Variants in DSCAM observed in about 807,000 individuals in gnomAD.
DSCAM encodes the protein cell adhesion molecule DSCAM.
Under a neutral mutation model 217.7 loss-of-function variants are expected in DSCAM, and 47 were observed. That is an observed-to-expected ratio of 0.22 (90% confidence interval 0.17 to 0.28). The LOEUF (loss-of-function observed/expected upper bound fraction) is 0.28, where lower values mean the gene tolerates loss of function less well. Ranked by LOEUF, DSCAM falls within the 10% of genes least tolerant of loss-of-function variation. The probability of loss-of-function intolerance (pLI) is 1.00; values close to 1 mark genes in which losing one functional copy is unlikely to be tolerated. For missense variants in DSCAM, 2,080 were observed against 2,618.3 expected (o/e 0.79, Z 4.49); for synonymous variants, 1,056 against 1,015.3 (o/e 1.04, Z -0.76).
In DSCAM at chr21:40,261,650, TCTACACACACACACACAC is replaced by T. The variant is rs1191074068; in HGVS notation, c.2356+14429_2356+14446del. Among the ~76,000 whole-genome samples the T allele has an allele frequency of 1.5e-4, 17 of 112,744 alleles. No individual in the cohort carries two copies. The East Asian group carries it at 4.2e-3, about 28-fold the overall frequency. The allele number at this position is 112,744 out of a possible 152,430, so 74.0% of individuals were successfully genotyped here. A position where few individuals can be genotyped will look rare whatever the true frequency, so the allele number is the denominator to read the frequency against. On this transcript the variant is annotated intron_variant, in intron 11 of 32. Coordinates refer to ENST00000400454, the MANE Select transcript of DSCAM (RefSeq NM_001389.5). ...ATAATAAACTTATTCTCTCTCTCTC[TCTACACACACACACACAC>T]ACACACACACACACACACATTCTTA...
At chr21:40,768,019 A>G (rs888028233) in intron 1 of DSCAM, among the ~76,000 whole-genome samples, 16 of 152,252 alleles carry the variant, frequency 1.1e-4, no homozygotes, top group African/African-American at 3.9e-4. Context: ...ATCAAGAATA[A>G]TGAATGTGAT....
rs947864560 is a variant in DSCAM, at chr21:40,279,617, A to G, written c.2183-3347T>C. ...AAATACCATTTGACCCAGCAATCCCATTACTGGGTATATACCCAAGGGATT... is the reference window on the plus strand; with the variant it reads ...AAATACCATTTGACCCAGCAATCCCGTTACTGGGTATATACCCAAGGGATT... On this transcript the variant is annotated intron_variant, in intron 10 of 32. Coordinates refer to ENST00000400454, the MANE Select transcript of DSCAM (RefSeq NM_001389.5). Among the ~76,000 whole-genome samples, 11 of 152,206 alleles carry G rather than the reference A, an allele frequency of 7.2e-5. No individual in the cohort carries two copies. In the East Asian group the frequency reaches 2.1e-3, roughly 29 times the overall value.
At chr21:40,276,057 T>C in intron 11 of DSCAM, 40 bp downstream of exon 11, 1 of 1,504,422 alleles carries the variant, frequency 6.6e-7, no homozygotes, top group South Asian at 1.4e-5. Flanking sequence ...GAGACCTATG[T>C]ATTTAAACTA....
At chr21:40,079,121 C>T (rs1244936170) in intron 25 of DSCAM, 144 bp from the exon 26 acceptor site, 1 of 857,628 alleles carries the variant, frequency 1.2e-6, no homozygotes. Flanking sequence ...GCAACTTGTC[C>T]CCTGTTAATA....
rs532174661 is a variant in DSCAM, at chr21:40,338,568, G to T, written c.1508-192C>A. ...TTCTTTCCTTTTCTTAAATTCAAATGTATAACTGTGAAACACTTTATCTGC... is the reference window on the plus strand; with the variant it reads ...TTCTTTCCTTTTCTTAAATTCAAATTTATAACTGTGAAACACTTTATCTGC... On this transcript the variant is annotated intron_variant, in intron 7 of 32. Coordinates refer to ENST00000400454, the MANE Select transcript of DSCAM (RefSeq NM_001389.5). Among the ~76,000 whole-genome samples, 4 of 152,258 alleles carry T rather than the reference G, an allele frequency of 2.6e-5. No homozygotes were observed. In the South Asian group the frequency reaches 8.3e-4, roughly 32 times the overall value.
chr21:40,364,289 C>T (rs1018998666), intron 4 of DSCAM, among the ~76,000 whole-genome samples: 52 of 152,120 alleles, frequency 3.4e-4, no homozygotes, highest in African/African-American at 9.9e-4. Flanking sequence ...AAATGCCCAA[C>T]AATGATAGAC....
intron 9 of DSCAM, among the ~76,000 whole-genome samples, chr21:40,299,652 G>T (rs775819821): frequency 6.6e-6 from 1 of 152,112 alleles, no homozygotes; most frequent in Non-Finnish European, 1.5e-5. Flanking sequence ...TGCATCACCA[G>T]CTAAGATTAA....
intron 3 of DSCAM, among the ~76,000 whole-genome samples, chr21:40,448,363 G>A (rs1277030787): frequency 6.6e-6 from 1 of 152,094 alleles, no homozygotes; most frequent in Non-Finnish European, 1.5e-5. Context: ...CTCCTGCAAT[G>A]GACATCGCAG....
At chr21:40,627,814 T>C (rs1430394733) in intron 3 of DSCAM, among the ~76,000 whole-genome samples, 1 of 152,192 alleles carries the variant, frequency 6.6e-6, no homozygotes, top group Non-Finnish European at 1.5e-5. Flanking sequence ...AACCATTATT[T>C]GGATTCAGAT....
At chr21:40,267,065 A>G (rs2073548093) in intron 11 of DSCAM, among the ~76,000 whole-genome samples, 1 of 151,902 alleles carries the variant, frequency 6.6e-6, no homozygotes, top group Non-Finnish European at 1.5e-5. Context: ...AGAAAACTAT[A>G]TATTGAGTAC....
chr21:40,365,841 AGTTATC>A (rs2074826724), intron 4 of DSCAM, among the ~76,000 whole-genome samples: 1 of 152,198 alleles, frequency 6.6e-6, no homozygotes, highest in Non-Finnish European at 1.5e-5. Context: ...AAGTCTTTCT[AGTTATC>A]CTCAGAGAAA....
chr21:40,739,628 G>A (rs757748770), intron 1 of DSCAM, among the ~76,000 whole-genome samples: 5 of 152,144 alleles, frequency 3.3e-5, no homozygotes, highest in East Asian at 3.9e-4. Context: ...TCATCACCTC[G>A]TTAAAGACTC....
chr21:40,424,899 G>T (rs1412239449), intron 3 of DSCAM, among the ~76,000 whole-genome samples: 1 of 152,048 alleles, frequency 6.6e-6, no homozygotes, highest in African/African-American at 2.4e-5. Flanking sequence ...TTTGAGACCA[G>T]CTTGGCCAAC....
chr21:40,310,399 G>A (rs1356837704), intron 9 of DSCAM, among the ~76,000 whole-genome samples: 2 of 152,190 alleles, frequency 1.3e-5, no homozygotes, highest in Non-Finnish European at 2.9e-5. Flanking sequence ...CAGTCACACT[G>A]ACCTGTTTGT....
At chr21:40,763,148 A>G (rs1235523312) in intron 1 of DSCAM, among the ~76,000 whole-genome samples, 1 of 152,218 alleles carries the variant, frequency 6.6e-6, no homozygotes, top group Non-Finnish European at 1.5e-5. Context: ...AGAGGAAGTC[A>G]GATTGTCTCT....
At chr21:40,210,589 G>A (rs1208131150) in intron 11 of DSCAM, among the ~76,000 whole-genome samples, 1 of 152,196 alleles carries the variant, frequency 6.6e-6, no homozygotes, top group African/African-American at 2.4e-5. Context: ...CTGTCACCCA[G>A]GCTAGAGTGC....
rs1336757966 is a variant in DSCAM, at chr21:40,175,770, AACACACACATACAC to A, written c.2947+3143_2947+3156del. The stretch of plus-strand genomic sequence containing the variant: ...GGTTTAATCCAGCATATATTTTCTC[AACACACACATACAC>A]ACACACACACACACACACACACACG... On this transcript the variant is annotated intron_variant, in intron 15 of 32. Transcript: ENST00000400454. Among the ~76,000 whole-genome samples the A allele has an allele frequency of 2.4e-5, 3 of 126,352 alleles. 1 individual carries two copies. The highest frequency in any genetic ancestry group is 9.5e-5 in the African/African-American group (3 of 31,540). 82.9% of individuals were successfully genotyped at this position (126,352 alleles called of 152,430 possible).
intron 3 of DSCAM, among the ~76,000 whole-genome samples, chr21:40,502,068 G>C (rs1283223732): frequency 6.6e-6 from 1 of 151,874 alleles, no homozygotes; most frequent in Non-Finnish European, 1.5e-5. Flanking sequence ...CCTGAAGCTG[G>C]GTATAGGAAA....
chr21:40,376,610 TATATAG>T (rs1425095890), intron 3 of DSCAM, among the ~76,000 whole-genome samples: 62 of 7,878 alleles, frequency 7.9e-3, no homozygotes, highest in Middle Eastern at 0.17. Context: ...CTATATATCT[TATATAG>T]ATATCGATAT....
Sources: allele counts gnomAD v4.1 joint callset (sites outside exome capture counted in the v4.1 genomes callset), GRCh38; gene constraint gnomAD v4.1.1; transcripts MANE v1.5; gene names NCBI Gene and HGNC (gene_info 2026-07-23, HGNC 2026-07-21).